AGFG1: variants seen among roughly 807,000 people sequenced by gnomAD.
The protein encoded by AGFG1 is ArfGAP with FG repeats 1.
In AGFG1, 10 loss-of-function variants were observed where a neutral mutation model predicts 60.6. The observed-to-expected ratio is 0.16, with a 90% CI of 0.10 to 0.28. AGFG1 has a LOEUF of 0.28. AGFG1 is among the 10% of genes least tolerant of loss of function. The pLI is 1.00. For missense variants in AGFG1, 537 were observed against 676.5 expected, an observed-to-expected ratio of 0.79 and a Z score of 2.29; for synonymous variants, 247 against 242.9, an observed-to-expected ratio of 1.02 and a Z score of -0.16.
intron 5 of AGFG1, among the ~76,000 whole-genome samples, chr2:227,529,996 A>G (rs774052613): frequency 5.9e-5 from 9 of 152,100 alleles, no homozygotes; most frequent in Non-Finnish European, 1.3e-4. Flanking sequence ...GATGAAACAA[A>G]GCATATCTGT....
At chr2:227,536,784 CA>C in intron 9 of AGFG1, 80 bp downstream of exon 9, 1 of 1,561,798 alleles carries the variant, frequency 6.4e-7, no homozygotes, top group South Asian at 1.1e-5. Flanking sequence ...GGAGTCAAAG[CA>C]ATGATTTGTT....
At chr2:227,548,167 G>T (rs1281922587) in intron 10 of AGFG1, among the ~76,000 whole-genome samples, 1 of 137,912 alleles carries the variant, frequency 7.3e-6, no homozygotes, top group African/African-American at 2.7e-5. Context: ...TTGCCAGGGG[G>T]TAGGGTTTTA....
At chr2:227,549,991 A>G (rs1390538793) in intron 10 of AGFG1, 4 of 435,952 alleles carry the variant, frequency 9.2e-6, no homozygotes, top group African/African-American at 2.1e-5. Context: ...TGAAACAAGT[A>G]TACTTTTATT....
At chr2:227,539,039 T>C (rs1692398917) in intron 10 of AGFG1, among the ~76,000 whole-genome samples, 1 of 152,216 alleles carries the variant, frequency 6.6e-6, no homozygotes. Context: ...TATGTTTCTA[T>C]TGAAGCTGAA....
chr2:227,509,552 C>G (rs1366751671), intron 2 of AGFG1, among the ~76,000 whole-genome samples: 2 of 151,982 alleles, frequency 1.3e-5, no homozygotes, highest in Non-Finnish European at 2.9e-5. Flanking sequence ...AGGAAATATA[C>G]ATTTAGGGGT....
intron 10 of AGFG1, among the ~76,000 whole-genome samples, chr2:227,539,520 C>T (rs1049586630): frequency 6.0e-5 from 9 of 150,970 alleles, no homozygotes; most frequent in African/African-American, 1.7e-4. Flanking sequence ...TTTGGGATGC[C>T]GAGGTAGGTG....
intron 2 of AGFG1, among the ~76,000 whole-genome samples, chr2:227,493,775 G>A (rs909542460): frequency 6.6e-6 from 1 of 152,132 alleles, no homozygotes; most frequent in Non-Finnish European, 1.5e-5. Context: ...TGGTGTGACA[G>A]ATACATAACA....
At chr2:227,553,558 A>G (rs147471863) in intron 11 of AGFG1, 146 bp from the exon 12 acceptor site, 1 of 609,492 alleles carries the variant, frequency 1.6e-6, no homozygotes, top group African/African-American at 1.8e-5. Flanking sequence ...TGGTATCTGA[A>G]AGAGCTTGAG....
intron 2 of AGFG1, among the ~76,000 whole-genome samples, chr2:227,495,521 C>T (rs558915912): frequency 7.0e-6 from 1 of 143,350 alleles, no homozygotes; most frequent in African/African-American, 2.6e-5. Flanking sequence ...ACACCAGCCT[C>T]GGTGACCAAG....
rs1274065144 is a variant in AGFG1, at chr2:227,537,478, G to A, written c.1378+485G>A. Among the ~76,000 whole-genome samples the A allele has an allele frequency of 8.5e-5, 13 of 152,098 alleles. No homozygotes were observed. The East Asian group carries it at 2.5e-3, about 29-fold the overall frequency. ...TTTTTCTAGTGAATATCTCTTTCAGGTGTTAACATTTTTTAAGTTGTGGAA... is the reference window on the plus strand; with the variant it reads ...TTTTTCTAGTGAATATCTCTTTCAGATGTTAACATTTTTTAAGTTGTGGAA... On this transcript the variant is annotated intron_variant, in intron 10 of 12. Coordinates refer to ENST00000310078, the MANE Select transcript of AGFG1 (RefSeq NM_004504.5).
Position 227,472,479 on chromosome 2 carries a change from A to T in AGFG1, c.58A>T (p.Met20Leu). ...GAAGCACCTGAAGATGCTGCGGGAC[A>T]TGACCGGCCTCCCGCACAACCGAAA... The part of the protein sequence containing the change: ...EEKHLKMLRD[M>L]TGLPHNRKCF... Residue 20 changes from methionine (M) to leucine (L), a missense_variant, in exon 1 of 13, where the codon ATG becomes TTG. This residue lies in a region of AGFG1 where 120 missense variants were observed against 198.5 expected (regional missense o/e 0.60). Transcript: ENST00000310078. The T allele has an allele frequency of 6.3e-7, 1 of 1,577,324 alleles. No individual in the cohort carries two copies. Among genetic ancestry groups the T allele is most frequent in the Non-Finnish European group, 8.6e-7 (1 of 1,162,156 alleles).
chr2:227,522,750 A>T (rs1691861214), intron 3 of AGFG1, among the ~76,000 whole-genome samples: 1 of 152,202 alleles, frequency 6.6e-6, no homozygotes, highest in South Asian at 2.1e-4. Context: ...GGAGGGTAGG[A>T]CAAAACCCAG....
At chr2:227,514,872 T>C (rs1334100541) in intron 2 of AGFG1, among the ~76,000 whole-genome samples, 1 of 152,202 alleles carries the variant, frequency 6.6e-6, no homozygotes, top group Admixed American at 6.5e-5. Flanking sequence ...ATTTTATCAC[T>C]TGCTGCATCT....
At chr2:227,498,710 G>A (rs559117608) in intron 2 of AGFG1, among the ~76,000 whole-genome samples, 2 of 152,272 alleles carry the variant, frequency 1.3e-5, no homozygotes, top group Middle Eastern at 3.4e-3. Context: ...ATCATAATCC[G>A]TGGGTCTTTT....
chr2:227,522,267 T>C (rs984385412), intron 3 of AGFG1, among the ~76,000 whole-genome samples: 1 of 152,202 alleles, frequency 6.6e-6, no homozygotes, highest in African/African-American at 2.4e-5. Context: ...AGTAAAAATA[T>C]GGTAGCATAT....
intron 1 of AGFG1, among the ~76,000 whole-genome samples, chr2:227,487,265 G>C (rs535798415): frequency 6.6e-6 from 1 of 151,932 alleles, no homozygotes; most frequent in Non-Finnish European, 1.5e-5. Context: ...TTCTACTGCA[G>C]AGTAAGTTAT....
intron 5 of AGFG1, among the ~76,000 whole-genome samples, chr2:227,529,127 C>T (rs1692086305): frequency 6.6e-6 from 1 of 152,080 alleles, no homozygotes; most frequent in African/African-American, 2.4e-5. Context: ...GAAGAAACTA[C>T]TGAATTACTC....
chr2:227,521,063 A>G (rs1414364263), intron 3 of AGFG1, among the ~76,000 whole-genome samples: 5 of 86,046 alleles, frequency 5.8e-5, no homozygotes. Flanking sequence ...AAAATAGACT[A>G]CATTTTTCTT....
chr2:227,500,764 T>A (rs913375447), intron 2 of AGFG1, among the ~76,000 whole-genome samples: 3 of 152,116 alleles, frequency 2.0e-5, no homozygotes, highest in Non-Finnish European at 4.4e-5. Context: ...ATATCTATCT[T>A]TTTTATTTTT....
Sources: gnomAD v4.1 joint callset for allele counts (sites outside exome capture counted in the v4.1 genomes callset) on GRCh38, gnomAD v4.1.1 for gene constraint, gnomAD v4.1.1 regional missense constraint, MANE v1.5 for transcripts, NCBI Gene and HGNC (gene_info 2026-07-23, HGNC 2026-07-21) for gene names.